The following PLAGL2 variants were observed in gnomAD, a reference collection of about 807,000 sequenced individuals.
The protein encoded by PLAGL2 is PLAG1 like zinc finger 2.
A neutral mutation model predicts 29.0 loss-of-function variants in PLAGL2; 7 were observed. The ratio of observed to expected loss-of-function variants is 0.24; its 90% CI spans 0.14 to 0.45. The LOEUF (loss-of-function observed/expected upper bound fraction) is 0.45. Ranked by LOEUF, PLAGL2 falls within the 20% of genes least tolerant of loss-of-function variation. The pLI is 0.99. For synonymous variants in PLAGL2, 234 were observed against 266.0 expected, an observed-to-expected ratio of 0.88 and a Z score of 1.17; for missense variants, 454 against 648.2, an observed-to-expected ratio of 0.70 and a Z score of 3.25.
chr20:32,207,006 A>G (rs933475937), intron 1 of PLAGL2, among the ~76,000 whole-genome samples: 2 of 152,182 alleles, frequency 1.3e-5, no homozygotes, highest in Non-Finnish European at 2.9e-5. Flanking sequence ...GGATGGGGAT[A>G]GTCAGAAGTG....
chr20:32,201,471 T>C (rs2047258996), intron 2 of PLAGL2, among the ~76,000 whole-genome samples: 1 of 152,096 alleles, frequency 6.6e-6, no homozygotes, highest in Admixed American at 6.5e-5. Context: ...GTAATCCTAG[T>C]TACCTGGGAG....
At chr20:32,198,286 AT>A (rs1470710423) in intron 2 of PLAGL2, among the ~76,000 whole-genome samples, 7 of 152,208 alleles carry the variant, frequency 4.6e-5, no homozygotes, top group African/African-American at 7.2e-5. Context: ...AAAGTATTTC[AT>A]TTTTTAAACA....
Position 32,195,478 on chromosome 20 carries a change from G to A in PLAGL2, c.*974C>T, listed in dbSNP as rs1210140782. On this transcript the variant is annotated 3_prime_UTR_variant, in exon 3 of 3. Transcript: ENST00000246229. The stretch of plus-strand genomic sequence containing the variant: ...TCTTCCCCTCTCCAGTTCAAGAGAA[G>A]GATGAGGGGGTCATAATGTACTTGG... The A allele has an allele frequency of 1.3e-5, 2 of 152,674 alleles. No homozygotes were observed. Among genetic ancestry groups the A allele is most frequent in the Admixed American group, 1.3e-4 (2 of 15,286 alleles). 9.5% of individuals were successfully genotyped at this position (152,674 alleles called of 1,614,324 possible).
chr20:32,196,374 T>G lies in PLAGL2; in HGVS notation c.*78A>C. 8.8e-7 allele frequency: 1 copy of G among 1,136,420 alleles called. No homozygotes were observed. Among genetic ancestry groups the G allele is most frequent in the Non-Finnish European group, 1.2e-6 (1 of 850,184 alleles). The allele number at this position is 1,136,420 out of a possible 1,614,324, so 70.4% of individuals were successfully genotyped here. ...ACCCAGCTCTGAAAGCTCAGCTGCC[T>G]TCATGGGGGACACAGACGGGGTGGG... On this transcript the variant is annotated 3_prime_UTR_variant, in exon 3 of 3. Transcript: ENST00000246229.
At chr20:32,201,044 G>A (rs559972106) in intron 2 of PLAGL2, among the ~76,000 whole-genome samples, 22 of 152,296 alleles carry the variant, frequency 1.4e-4, no homozygotes, top group African/African-American at 4.1e-4. Context: ...CTGCCCCAGT[G>A]GGCAACAGGG....
chr20:32,199,299 C>G (rs761766845), intron 2 of PLAGL2, among the ~76,000 whole-genome samples: 6 of 152,154 alleles, frequency 3.9e-5, no homozygotes, highest in Non-Finnish European at 8.8e-5. Context: ...CAAGAGTGCT[C>G]GTGCCTATGT....
Position 32,197,811 on chromosome 20 carries a change from A to C in PLAGL2, c.261-129T>G, listed in dbSNP as rs2047238522. On this transcript the variant is annotated intron_variant, in intron 2 of 2. Transcript: ENST00000246229. This position sits in a 1 kb window ranked among gnomAD's most constrained non-coding sequence, Gnocchi z 6.6. ...AACCATGGTAAAGGCTTGCAATGCA[A>C]TACCAAACCAGTTATATTCTACAGA... 2.9e-6 allele frequency: 2 copies of C among 696,888 alleles called. No homozygotes were observed. The highest frequency in any genetic ancestry group is 4.8e-6 in the Non-Finnish European group (2 of 414,912). 43.2% of individuals were successfully genotyped at this position (696,888 alleles called of 1,614,324 possible).
chr20:32,201,296 T>A (rs1249805864), intron 2 of PLAGL2, among the ~76,000 whole-genome samples: 1 of 151,976 alleles, frequency 6.6e-6, no homozygotes, highest in East Asian at 1.9e-4. Flanking sequence ...TAAAAAAAAA[T>A]GTTCAGGGCT....
In PLAGL2 at chr20:32,196,399, G is replaced by C; in HGVS notation, c.*53C>G. 1 of 1,328,412 alleles carries C rather than the reference G, an allele frequency of 7.5e-7. No homozygotes were observed. The highest frequency in any genetic ancestry group is 9.9e-7 in the Non-Finnish European group (1 of 1,005,448). 82.3% of individuals were successfully genotyped at this position (1,328,412 alleles called of 1,614,324 possible). On this transcript the variant is annotated 3_prime_UTR_variant, in exon 3 of 3. Coordinates refer to ENST00000246229, the MANE Select transcript of PLAGL2 (RefSeq NM_002657.3). Reference sequence around the variant, plus strand: ...TTCATGGGGGACACAGACGGGGTGGGTACTAAGGCTCCATAACAGAGCCAA... The same window carrying C: ...TTCATGGGGGACACAGACGGGGTGGCTACTAAGGCTCCATAACAGAGCCAA...
chr20:32,207,543 G>A (rs1196152457), intron 1 of PLAGL2, 98 bp downstream of exon 1: 3 of 152,820 alleles, frequency 2.0e-5, no homozygotes, highest in Non-Finnish European at 2.9e-5. Flanking sequence ...GGCCCGAGAT[G>A]AGGCGCGCCG....
At chr20:32,203,363 G>C (rs2047269301) in intron 1 of PLAGL2, among the ~76,000 whole-genome samples, 1 of 152,210 alleles carries the variant, frequency 6.6e-6, no homozygotes, top group Non-Finnish European at 1.5e-5. Context: ...TAGAAGGGGA[G>C]ATGTGCAAGA....
Position 32,197,676 on chromosome 20 carries a change from C to T in PLAGL2, c.267G>A (p.Met89Ile). The T allele has an allele frequency of 6.2e-7, 1 of 1,612,846 alleles. No homozygotes were observed. Among genetic ancestry groups the T allele is most frequent in the Admixed American group, 1.7e-5 (1 of 59,976 alleles). Residue 89 changes from methionine (M) to isoleucine (I), a missense_variant, in exon 3 of 3, where the codon ATG (methionine) becomes ATA (isoleucine). Around this residue, in one of 4 missense-constraint regions of PLAGL2, gnomAD observed 111 missense variants for 173.1 expected, o/e 0.64. Transcript: ENST00000246229. The surrounding 1 kb of genome is among the most constrained non-coding windows in gnomAD (Gnocchi z 6.6). ...FASKYKLYRH[M>I]ATHSAQKPHQ... The stretch of plus-strand genomic sequence containing the variant: ...GGGGTTTCTGGGCTGAGTGGGTGGC[C>T]ATGTGCCTGGGGGTAGAGACAGGGG...
intron 2 of PLAGL2, among the ~76,000 whole-genome samples, chr20:32,200,080 A>G (rs1309373144): frequency 6.6e-6 from 1 of 152,116 alleles, no homozygotes; most frequent in Non-Finnish European, 1.5e-5. Flanking sequence ...GTCTGTACCC[A>G]CTATTAAGAC....
rs2047261881 is a variant in PLAGL2, at chr20:32,201,994, TGCGGGAGGCTGTGAGGCCTCA to T, written c.164_184del (p.Leu55_Pro61del). The T allele has an allele frequency of 2.5e-6, 4 of 1,614,050 alleles. No individual in the cohort carries two copies. Among genetic ancestry groups the T allele is most frequent in the Non-Finnish European group, 2.5e-6 (3 of 1,179,984 alleles). ...GCAGCTATATGGTCTCTGCTCTGGT[TGCGGGAGGCTGTGAGGCCTCA>T]GCTTCTCCCCATTTGAGAAAGGTGT... On this transcript the variant is annotated inframe_deletion, in exon 2 of 3. Transcript: ENST00000246229.
At position 32,195,162 on chromosome 20, in the gene PLAGL2, G is replaced by A. The variant is rs1439428413; in HGVS notation, c.*1290C>T. The A allele has an allele frequency of 6.6e-6, 1 of 152,352 alleles. No homozygotes were observed. The highest frequency in any genetic ancestry group is 2.4e-5 in the African/African-American group (1 of 41,460). 9.4% of individuals were successfully genotyped at this position (152,352 alleles called of 1,614,324 possible). On this transcript the variant is annotated 3_prime_UTR_variant, in exon 3 of 3. Coordinates refer to ENST00000246229, the MANE Select transcript of PLAGL2 (RefSeq NM_002657.3). ...AGTCCACTGTAAAGTGGAAGAGACA[G>A]AAGGGACATTGTGGATAAGGAAAAT...
chr20:32,192,933 C>A lies in PLAGL2; in HGVS notation c.*3519G>T, dbSNP rs1046243415. ...ATTTTTCCAAACCCCTCTATGGAGG[C>A]ACTAGGTTATCATGGTGAACACCCT... On this transcript the variant is annotated 3_prime_UTR_variant, in exon 3 of 3. Coordinates refer to ENST00000246229, the MANE Select transcript of PLAGL2 (RefSeq NM_002657.3). The A allele has an allele frequency of 6.6e-6, 1 of 152,576 alleles. No individual in the cohort carries two copies. Among genetic ancestry groups the A allele is most frequent in the Non-Finnish European group, 1.5e-5 (1 of 68,048 alleles). The allele number at this position is 152,576 out of a possible 1,614,324, so 9.5% of individuals were successfully genotyped here.
rs2047264212 is a variant in PLAGL2 at position 32,202,286 on chromosome 20, T to A, written c.-108A>T. 1 of 1,117,988 alleles carries A rather than the reference T, an allele frequency of 8.9e-7. No individual in the cohort carries two copies. The highest frequency in any genetic ancestry group is 1.3e-6 in the Non-Finnish European group (1 of 772,136). The allele number at this position is 1,117,988 out of a possible 1,614,324, so 69.3% of individuals were successfully genotyped here. A position where few individuals can be genotyped will look rare whatever the true frequency, so the allele number is the denominator to read the frequency against. On this transcript the variant is annotated 5_prime_UTR_variant, in exon 2 of 3. Transcript: ENST00000246229. ...CCAACGCAGCTTTCAGAAAACAATC[T>A]CTTCACCTGAAACATCAGAACACCT...
At chr20:32,202,507 G>A (rs1239826780) in intron 1 of PLAGL2, among the ~76,000 whole-genome samples, 2 of 147,860 alleles carry the variant, frequency 1.4e-5, no homozygotes, top group East Asian at 3.8e-4. Context: ...ATGAGATCAT[G>A]AATATAAAGC....
rs1333763510 is a variant in PLAGL2 at position 32,193,343 on chromosome 20, CCCGGA to C, written c.*3104_*3108del. 1 of 152,168 alleles carries C rather than the reference CCCGGA, an allele frequency of 6.6e-6. No homozygotes were observed. The highest frequency in any genetic ancestry group is 1.5e-5 in the Non-Finnish European group (1 of 68,036). 9.4% of individuals were successfully genotyped at this position (152,168 alleles called of 1,614,324 possible). A position where few individuals can be genotyped will look rare whatever the true frequency, so the allele number is the denominator to read the frequency against. On this transcript the variant is annotated 3_prime_UTR_variant, in exon 3 of 3. Coordinates refer to ENST00000246229, the MANE Select transcript of PLAGL2 (RefSeq NM_002657.3). The stretch of plus-strand genomic sequence containing the variant: ...AGCAAAAAAGTAATCACACCTGCTT[CCCGGA>C]TTTTCAATTAAGAAAATGCCATTTG...
Sources: allele counts gnomAD v4.1 joint callset (sites outside exome capture counted in the v4.1 genomes callset), GRCh38; gene constraint gnomAD v4.1.1; regional missense constraint gnomAD v4.1.1; non-coding constraint Gnocchi (gnomAD v3.1); transcripts MANE v1.5; gene names NCBI Gene and HGNC (gene_info 2026-07-23, HGNC 2026-07-21).